Variants in ADGB observed in about 807,000 individuals in gnomAD.
The protein encoded by ADGB is androglobin, also known as calpain-7-like protein.
Under a neutral mutation model 210.5 loss-of-function variants are expected in ADGB, and 172 were observed. That is an observed-to-expected ratio of 0.82 (90% confidence interval 0.72 to 0.93). The LOEUF (loss-of-function observed/expected upper bound fraction) is 0.93. Among genes scored for constraint, ADGB ranks in the 40% least tolerant of loss-of-function variants. The pLI is 0.00. For missense variants in ADGB, 2,025 were observed against 1,964.8 expected, an observed-to-expected ratio of 1.03 and a Z score of -0.58; for synonymous variants, 658 against 662.7, an observed-to-expected ratio of 0.99 and a Z score of 0.11.
At chr6:146,725,472 A>G (rs892065253) in intron 18 of ADGB, 6 of 152,206 alleles carry the variant, frequency 3.9e-5, no homozygotes, top group African/African-American at 1.4e-4. Context: ...TCCAGGTTGG[A>G]CACTCCTTAT....
chr6:146,778,511 C>CTT (rs1214973790), intron 29 of ADGB, among the ~76,000 whole-genome samples: 2 of 152,172 alleles, frequency 1.3e-5, no homozygotes, highest in African/African-American at 4.8e-5. Flanking sequence ...GTTTTTATTT[C>CTT]TTTTTTTCTT....
chr6:146,764,059 A>G lies in ADGB; in HGVS notation c.3709A>G (p.Ser1237Gly), dbSNP rs1032280907. ...GLPLVEEETTSTPTREDSSST... is the reference protein window; with the variant it reads ...GLPLVEEETTGTPTREDSSST... ...ACCCCTTGTGGAGGAGGAAACTACC[A>G]GTACACCCACTAGAGAAGACAGTTC... is the stretch of plus-strand genomic sequence containing the variant. The change falls in exon 28 of 36, where the codon AGT (serine) becomes GGT (glycine). Residue 1237 changes from serine (S) to glycine (G), a missense_variant. Coordinates refer to ENST00000397944, the MANE Select transcript of ADGB (RefSeq NM_024694.4). The G allele has an allele frequency of 1.3e-6, 2 of 1,551,384 alleles. No homozygotes were observed. The highest frequency in any genetic ancestry group is 1.7e-6 in the Non-Finnish European group (2 of 1,146,796).
rs1562292445 is a variant in ADGB at position 146,752,525 on chromosome 6, T to C, written c.3366-5T>C. 3 of 1,534,420 alleles carry C rather than the reference T, an allele frequency of 2.0e-6. No homozygotes were observed. In the Admixed American group the frequency reaches 6.3e-5, roughly 32 times the overall value. On this transcript the variant is annotated splice_polypyrimidine_tract_variant and splice_region_variant and intron_variant, in intron 26 of 35. Transcript: ENST00000397944. ...GCTTATAATGTTAACTTTTTTTCTT[T>C]ACAGGTATTCGGTTAAAGTTCTAAC...
chr6:146,807,423 C>G (rs1162037860), intron 35 of ADGB: 1 of 1,551,388 alleles, frequency 6.4e-7, no homozygotes. Flanking sequence ...TGAAGCCCGA[C>G]AGAAAATTTT....
intron 29 of ADGB, among the ~76,000 whole-genome samples, chr6:146,780,764 C>T (rs915070220): frequency 6.6e-6 from 1 of 151,922 alleles, no homozygotes; most frequent in African/African-American, 2.4e-5. Flanking sequence ...CTTTAATACC[C>T]CAATTTTAAT....
At chr6:146,664,880 C>A (rs993248961) in intron 6 of ADGB, among the ~76,000 whole-genome samples, 1 of 151,990 alleles carries the variant, frequency 6.6e-6, no homozygotes, top group Non-Finnish European at 1.5e-5. Flanking sequence ...TGGTTTCTGT[C>A]TTATATTCCT....
At chr6:146,769,808 G>T (rs2114631818) in intron 29 of ADGB, among the ~76,000 whole-genome samples, 1 of 152,092 alleles carries the variant, frequency 6.6e-6, no homozygotes, top group South Asian at 2.1e-4. Context: ...ATACAAAAGG[G>T]TATAACATAA....
chr6:146,796,205 C>G (rs936204854), intron 33 of ADGB, among the ~76,000 whole-genome samples: 1 of 152,062 alleles, frequency 6.6e-6, no homozygotes, highest in Non-Finnish European at 1.5e-5. Context: ...ATGACACAAA[C>G]AAATGAAAAC....
chr6:146,686,396 A>G (rs2114917185), intron 10 of ADGB, among the ~76,000 whole-genome samples: 1 of 152,228 alleles, frequency 6.6e-6, no homozygotes, highest in East Asian at 1.9e-4. Context: ...ATGGTAAGGC[A>G]TAGGCCCTAT....
chr6:146,815,039 T>A lies in ADGB; in HGVS notation c.4826T>A (p.Leu1609Ter). The A allele has an allele frequency of 1.3e-6, 2 of 1,543,300 alleles. No individual in the cohort carries two copies. Among genetic ancestry groups the A allele is most frequent in the African/African-American group, 2.8e-5 (2 of 72,256 alleles). Reference protein sequence around the residue: ...LDMYKEMQDSLDEARQKIFDI... With the variant: ...LDMYKEMQDS ...GGTTTTGCTTTGGAACAGGACTCCT[T>A]AGATGAAGCCCGACAGAAAATTTTC... The change falls in exon 36 of 36, where the codon TTA (leucine) becomes TAA (stop). Residue 1609 changes from leucine (L) to a stop codon, truncating the protein, a stop_gained. Transcript: ENST00000397944. LOFTEE classifies it low-confidence loss of function (END_TRUNC).
chr6:146,734,950 A>G (rs1777057865), intron 22 of ADGB, among the ~76,000 whole-genome samples: 1 of 151,682 alleles, frequency 6.6e-6, no homozygotes, highest in South Asian at 2.1e-4. Flanking sequence ...ATATTCAATT[A>G]TTTTCATTCT....
intron 4 of ADGB, 54 bp downstream of exon 4, chr6:146,654,260 C>A: frequency 8.0e-7 from 1 of 1,251,822 alleles, no homozygotes; most frequent in Non-Finnish European, 1.1e-6. Flanking sequence ...TCCAGTCCTG[C>A]TTAAACCATT....
At chr6:146,649,651 C>T (rs1024503862) in intron 3 of ADGB, among the ~76,000 whole-genome samples, 2 of 151,812 alleles carry the variant, frequency 1.3e-5, no homozygotes, top group African/African-American at 4.8e-5. Flanking sequence ...CCACCATGCC[C>T]AGATAATTTT....
chr6:146,716,791 C>G lies in ADGB; in HGVS notation c.1742-92C>G. The stretch of plus-strand genomic sequence containing the variant: ...TCATAAATATTTTCCCAAAAATAGA[C>G]TTTGATATTTAAGTTTCCCTTTATC... On this transcript the variant is annotated intron_variant, in intron 14 of 35. Coordinates refer to ENST00000397944, the MANE Select transcript of ADGB (RefSeq NM_024694.4). 3.2e-6 allele frequency: 4 copies of G among 1,241,544 alleles called. 1 individual carries two copies. The Middle Eastern group carries it at 7.8e-4, about 243-fold the overall frequency. The allele number at this position is 1,241,544 out of a possible 1,614,324, so 76.9% of individuals were successfully genotyped here. A position where few individuals can be genotyped will look rare whatever the true frequency, so the allele number is the denominator to read the frequency against.
chr6:146,730,675 A>C (rs1360774618), intron 20 of ADGB, among the ~76,000 whole-genome samples: 1 of 152,232 alleles, frequency 6.6e-6, no homozygotes, highest in Non-Finnish European at 1.5e-5. Context: ...AATGGTACTC[A>C]GGTCCTGGAC....
At chr6:146,603,959 G>A (rs1487085003) in intron 1 of ADGB, among the ~76,000 whole-genome samples, 3 of 152,166 alleles carry the variant, frequency 2.0e-5, no homozygotes, top group Non-Finnish European at 4.4e-5. Flanking sequence ...AACCTCCCCA[G>A]AGTCTGCAGT....
At chr6:146,623,606 T>G (rs763861079) in intron 1 of ADGB, among the ~76,000 whole-genome samples, 1 of 151,954 alleles carries the variant, frequency 6.6e-6, no homozygotes, top group Non-Finnish European at 1.5e-5. Context: ...CCAATAGATT[T>G]TCTACATAGT....
intron 29 of ADGB, among the ~76,000 whole-genome samples, chr6:146,769,454 A>G (rs1777623139): frequency 6.6e-6 from 1 of 152,176 alleles, no homozygotes; most frequent in African/African-American, 2.4e-5. Flanking sequence ...TTATAAAATT[A>G]TATTTGCCCA....
chr6:146,777,249 G>A (rs992005919), intron 29 of ADGB, among the ~76,000 whole-genome samples: 1 of 151,932 alleles, frequency 6.6e-6, no homozygotes, highest in African/African-American at 2.4e-5. Context: ...CTTATCAGTT[G>A]GGAGACTTGA....
Sources: allele counts gnomAD v4.1 joint callset (sites outside exome capture counted in the v4.1 genomes callset), GRCh38; gene constraint gnomAD v4.1.1; transcripts MANE v1.5; gene names NCBI Gene and HGNC (gene_info 2026-07-23, HGNC 2026-07-21).